The following LARGE1 variants were observed in gnomAD, a reference collection of about 807,000 sequenced individuals.
LARGE1 encodes xylosyl- and glucuronyltransferase LARGE1.
In LARGE1, 43 loss-of-function variants were observed where a neutral mutation model predicts 87.6. The ratio of observed to expected loss-of-function variants is 0.49; its 90% CI spans 0.38 to 0.63. The LOEUF is 0.63. Ranked by LOEUF, LARGE1 falls within the 30% of genes least tolerant of loss-of-function variation. The pLI is 0.00. For synonymous variants in LARGE1, 434 were observed against 394.6 expected, an observed-to-expected ratio of 1.10 and a Z score of -1.18; for missense variants, 802 against 1,000.2, an observed-to-expected ratio of 0.80 and a Z score of 2.67.
intron 1 of LARGE1, among the ~76,000 whole-genome samples, chr22:33,855,407 T>C (rs546348870): frequency 6.6e-5 from 10 of 152,206 alleles, no homozygotes; most frequent in African/African-American, 1.7e-4. Flanking sequence ...AGTGGGAAAC[T>C]GTCAGAACCC....
At chr22:33,732,106 G>T (rs946171592) in intron 2 of LARGE1, 1 of 152,102 alleles carries the variant, frequency 6.6e-6, no homozygotes, top group South Asian at 2.1e-4. Context: ...CAAGAGCTTC[G>T]GTAGCCCCAG....
chr22:33,278,985 T>C (rs1276956868), intron 13 of LARGE1, among the ~76,000 whole-genome samples: 2 of 152,180 alleles, frequency 1.3e-5, no homozygotes, highest in Non-Finnish European at 2.9e-5. Flanking sequence ...CCCACAGTGC[T>C]GGGATTACAG....
chr22:33,754,197 C>T (rs2084422887), intron 2 of LARGE1, among the ~76,000 whole-genome samples: 1 of 152,192 alleles, frequency 6.6e-6, no homozygotes, highest in Non-Finnish European at 1.5e-5. Context: ...GAACTACAGA[C>T]ACATGCACTG....
intron 7 of LARGE1, among the ~76,000 whole-genome samples, chr22:33,385,073 T>C (rs1269628921): frequency 6.7e-6 from 1 of 148,654 alleles, no homozygotes; most frequent in African/African-American, 2.4e-5. Flanking sequence ...GCTGGGTCTT[T>C]AAGGTGAGCT....
chr22:33,466,898 A>G (rs1007490578), intron 6 of LARGE1, among the ~76,000 whole-genome samples: 1 of 152,046 alleles, frequency 6.6e-6, no homozygotes, highest in Non-Finnish European at 1.5e-5. Flanking sequence ...AAATTAGCTG[A>G]GCGTGGTGGA....
intron 13 of LARGE1, 43 bp downstream of exon 13, chr22:33,283,159 G>A: frequency 6.2e-7 from 1 of 1,612,680 alleles, no homozygotes; most frequent in Non-Finnish European, 8.5e-7. Context: ...GGAGAAAGAA[G>A]GCCTTCGAGC....
chr22:33,634,647 T>A (rs1210688617), intron 3 of LARGE1, among the ~76,000 whole-genome samples: 2 of 151,242 alleles, frequency 1.3e-5, no homozygotes, highest in Non-Finnish European at 2.9e-5. Context: ...AGAATGGGTA[T>A]AGGCTTCTAC....
At chr22:33,637,728 CCAAT>C (rs2080310127) in intron 3 of LARGE1, among the ~76,000 whole-genome samples, 1 of 152,110 alleles carries the variant, frequency 6.6e-6, no homozygotes, top group Non-Finnish European at 1.5e-5. Context: ...GTCTTCAGCC[CCAAT>C]CAAACCTTCA....
chr22:33,247,495 C>T (rs2145705393), intron 11 of LARGE1, among the ~76,000 whole-genome samples: 1 of 152,268 alleles, frequency 6.6e-6, no homozygotes, highest in South Asian at 2.1e-4. Context: ...CCAAATGCTG[C>T]CACAGATCAC....
chr22:33,346,609 CTTCT>C (rs1460195879), intron 9 of LARGE1, among the ~76,000 whole-genome samples: 1 of 152,120 alleles, frequency 6.6e-6, no homozygotes, highest in Admixed American at 6.6e-5. Flanking sequence ...GGCCTCCTAC[CTTCT>C]TTTCTACCAA....
the LARGE1 span, among the ~76,000 whole-genome samples, chr22:33,067,763 C>T: frequency 6.6e-5 from 10 of 152,194 alleles, no homozygotes; most frequent in African/African-American, 1.9e-4. Context: ...GGATGGATCA[C>T]GAGGTCAGGA....
intron 2 of LARGE1, among the ~76,000 whole-genome samples, chr22:33,760,106 T>C (rs943269586): frequency 1.3e-5 from 2 of 152,212 alleles, no homozygotes; most frequent in African/African-American, 4.8e-5. Context: ...AATAAAATTA[T>C]GCATAAAGGA....
chr22:33,706,892 A>G (rs563120206), intron 2 of LARGE1, among the ~76,000 whole-genome samples: 1 of 152,348 alleles, frequency 6.6e-6, no homozygotes, highest in South Asian at 2.1e-4. Flanking sequence ...TAGTCCAGTG[A>G]GACTGATTTT....
chr22:33,118,881 T>A, the LARGE1 span, among the ~76,000 whole-genome samples: 1,261 of 152,310 alleles, frequency 8.3e-3, 17 homozygotes, highest in African/African-American at 0.029. Context: ...TTTTCCCCTG[T>A]GGGAGGAGGC....
At chr22:33,547,224 G>T (rs2148672685) in intron 6 of LARGE1, among the ~76,000 whole-genome samples, 1 of 151,844 alleles carries the variant, frequency 6.6e-6, no homozygotes, top group African/African-American at 2.4e-5. Flanking sequence ...CATGAAGGGT[G>T]GTGGGGGGGA....
chr22:33,664,168 T>C (rs930845158), intron 2 of LARGE1, among the ~76,000 whole-genome samples: 1 of 152,210 alleles, frequency 6.6e-6, no homozygotes, highest in African/African-American at 2.4e-5. Context: ...ACAACGTGTA[T>C]ACACCGTGGC....
At chr22:33,739,702 T>G (rs2149511331) in intron 2 of LARGE1, among the ~76,000 whole-genome samples, 1 of 152,128 alleles carries the variant, frequency 6.6e-6, no homozygotes, top group African/African-American at 2.4e-5. Context: ...CTGAGCTCAG[T>G]GGGGCAGCCT....
chr22:33,447,924 T>C (rs1419991305), intron 6 of LARGE1, among the ~76,000 whole-genome samples: 2 of 152,130 alleles, frequency 1.3e-5, no homozygotes, highest in African/African-American at 4.8e-5. Context: ...TACTAACAGA[T>C]GCTGCCACCT....
chr22:33,337,722 A>G lies in LARGE1; in HGVS notation c.1211T>C (p.Phe404Ser). ...CAGAAGATTGCCGTCATACTCCAGG[A>G]AGGTCAGGTAGAGGTTGCGAAAAAA... ...VEFFRNLYLT[F>S]LEYDGNLLRR... Residue 404 changes from phenylalanine to serine, a missense_variant, in exon 10 of 15, where the codon TTC becomes TCC. Physicochemically the swap from Phe to Ser is radical, Grantham distance 155. Transcript: ENST00000397394. 1 of 1,614,074 alleles carries G rather than the reference A, an allele frequency of 6.2e-7. No individual in the cohort carries two copies. The highest frequency in any genetic ancestry group is 8.5e-7 in the Non-Finnish European group (1 of 1,180,022).
Sources: allele counts gnomAD v4.1 joint callset (sites outside exome capture counted in the v4.1 genomes callset), GRCh38; gene constraint gnomAD v4.1.1; transcripts MANE v1.5; gene names NCBI Gene and HGNC (gene_info 2026-07-23, HGNC 2026-07-21).